Variants in NCKAP5L observed in about 807,000 individuals in gnomAD.
NCKAP5L encodes nck-associated protein 5-like.
NCKAP5L carries 54 observed loss-of-function variants against 103.2 expected under a neutral mutation model. The observed-to-expected ratio is 0.52, with a 90% confidence interval of 0.42 to 0.66. The LOEUF (loss-of-function observed/expected upper bound fraction) is 0.66, where lower values mean the gene tolerates loss of function less well. Among genes scored for constraint, NCKAP5L ranks in the 30% least tolerant of loss-of-function variants. The pLI, the probability that NCKAP5L is intolerant of heterozygous loss-of-function variation, is 0.00. For synonymous variants in NCKAP5L, 762 were observed against 748.6 expected, an observed-to-expected ratio of 1.02 and a Z score of -0.29; for missense variants, 1,733 against 1,750.6, an observed-to-expected ratio of 0.99 and a Z score of 0.18.
rs763375317 is a variant in NCKAP5L at position 49,795,143 on chromosome 12, C to T, written c.2717G>A (p.Gly906Asp). The T allele has an allele frequency of 3.1e-6, 5 of 1,611,196 alleles. No individual in the cohort carries two copies. The highest frequency in any genetic ancestry group is 4.2e-6 in the Non-Finnish European group (5 of 1,179,186). The change falls in exon 8 of 13, where the codon GGC (glycine) becomes GAC (aspartate). Residue 906 changes from glycine (G) to aspartate (D), a missense_variant. By Grantham distance (94) the Gly-to-Asp change is moderately conservative (BLOSUM62 -1). Transcript: ENST00000335999. ...LRLQGQERAP[G>D]AEVKHRNTSS... ...GGTGTTGCGGTGCTTGACCTCGGCGCCAGGGGCTCGCTCCTGGCCCTGGAG... is the reference window on the plus strand; with the variant it reads ...GGTGTTGCGGTGCTTGACCTCGGCGTCAGGGGCTCGCTCCTGGCCCTGGAG...
intron 1 of NCKAP5L, among the ~76,000 whole-genome samples, chr12:49,810,228 GT>G (rs1487646976): frequency 6.6e-6 from 1 of 152,132 alleles, no homozygotes; most frequent in East Asian, 1.9e-4. Context: ...GACACAATGG[GT>G]TTATTTATAG....
At chr12:49,826,074 T>G (rs1056408995) in intron 1 of NCKAP5L, among the ~76,000 whole-genome samples, 1 of 142,748 alleles carries the variant, frequency 7.0e-6, no homozygotes, top group African/African-American at 2.7e-5. Context: ...CTGGGCTGGA[T>G]GAGGGCGGTG....
chr12:49,821,407 G>A (rs1946360723), intron 1 of NCKAP5L, among the ~76,000 whole-genome samples: 2 of 152,350 alleles, frequency 1.3e-5, no homozygotes, highest in African/African-American at 2.4e-5. Flanking sequence ...GGGGTCTCCT[G>A]TCTTGGACAC....
rs1157621501 is a variant in NCKAP5L, at chr12:49,795,791, G to A, written c.2069C>T (p.Pro690Leu). Residue 690 changes from proline to leucine, a missense_variant, in exon 8 of 13, where the codon CCT becomes CTT. Physicochemically the swap from Pro to Leu is moderately conservative, Grantham distance 98. Coordinates refer to ENST00000335999, the MANE Select transcript of NCKAP5L (RefSeq NM_001037806.4). ...AGGTCCCCGGGTCTTTTCGGTGCCA[G>A]GCCTGGCTGGCACCCCATTCTTCTC... is the stretch of plus-strand genomic sequence containing the variant. ...GSEKNGVPAR[P>L]GTEKTRGPGK... 1 of 1,577,736 alleles carries A rather than the reference G, an allele frequency of 6.3e-7. No individual in the cohort carries two copies. Among genetic ancestry groups the A allele is most frequent in the Non-Finnish European group, 8.6e-7 (1 of 1,162,086 alleles).
chr12:49,816,414 C>A (rs771475283), intron 1 of NCKAP5L, among the ~76,000 whole-genome samples: 5 of 146,932 alleles, frequency 3.4e-5, no homozygotes, highest in Non-Finnish European at 7.4e-5. Flanking sequence ...GCTCTTAGGG[C>A]CCATAGGACA....
rs770883186 is a variant in NCKAP5L, at chr12:49,795,076, C to T, written c.2784G>A (p.Leu928=). 1.2e-6 allele frequency: 2 copies of T among 1,612,172 alleles called. No homozygotes were observed. Among genetic ancestry groups the T allele is most frequent in the Non-Finnish European group, 1.7e-6 (2 of 1,179,416 alleles). The change falls in exon 8 of 13, where the codon CTG becomes CTA. Residue 928 remains leucine (L), a synonymous_variant. Transcript: ENST00000335999. The stretch of plus-strand genomic sequence containing the variant: ...CCTCTGTGCGGCGGTTCAGCGCTGG[C>T]AGCTTGCTCTTCTTAAGGCCGAACC... ...ASWFGLKKSK[L]PALNRRTEAT...
Position 49,791,657 on chromosome 12 carries a change from T to C in NCKAP5L, c.*182A>G. The stretch of plus-strand genomic sequence containing the variant: ...GGGTCTCTCCCTGAGCTGAGCACGG[T>C]CATCTCATCCGCCGAAGCAGTGGGT... On this transcript the variant is annotated 3_prime_UTR_variant, in exon 13 of 13. Transcript: ENST00000335999. 2 of 556,074 alleles carry C rather than the reference T, an allele frequency of 3.6e-6. No individual in the cohort carries two copies. Among genetic ancestry groups the C allele is most frequent in the African/African-American group, 1.9e-5 (1 of 52,578 alleles). 34.4% of individuals were successfully genotyped at this position (556,074 alleles called of 1,614,324 possible).
chr12:49,801,271 G>C (rs1246494159), intron 6 of NCKAP5L, among the ~76,000 whole-genome samples: 1 of 152,170 alleles, frequency 6.6e-6, no homozygotes, highest in African/African-American at 2.4e-5. Context: ...ATCTGGAGCT[G>C]CTCCTGATCC....
At chr12:49,810,172 C>T (rs984606264) in intron 1 of NCKAP5L, among the ~76,000 whole-genome samples, 1 of 71,372 alleles carries the variant, frequency 1.4e-5, no homozygotes, top group Non-Finnish European at 3.0e-5. Flanking sequence ...CTAGCAGCTG[C>T]CGGGGGTGGG....
chr12:49,799,970 T>G (rs1014648508), intron 6 of NCKAP5L, among the ~76,000 whole-genome samples: 3 of 151,782 alleles, frequency 2.0e-5, no homozygotes, highest in South Asian at 2.1e-4. Flanking sequence ...CAGAGGCGGG[T>G]GGGTCACCTG....
chr12:49,826,081 G>A (rs970384221), intron 1 of NCKAP5L, among the ~76,000 whole-genome samples: 3 of 152,018 alleles, frequency 2.0e-5, no homozygotes, highest in Non-Finnish European at 2.9e-5. Context: ...GGATGAGGGC[G>A]GTGGGGAAGA....
intron 5 of NCKAP5L, 154 bp from the exon 6 acceptor site, chr12:49,802,121 G>A (rs1592752525): frequency 2.4e-6 from 2 of 817,242 alleles, no homozygotes; most frequent in South Asian, 1.8e-5. Flanking sequence ...AGGAATCTAA[G>A]CCTGCCGATG....
chr12:49,812,297 G>A (rs1260349340), intron 1 of NCKAP5L, among the ~76,000 whole-genome samples: 1 of 151,930 alleles, frequency 6.6e-6, no homozygotes, highest in African/African-American at 2.4e-5. Flanking sequence ...TGCCTTTTAC[G>A]ACTGGCTTCT....
intron 1 of NCKAP5L, among the ~76,000 whole-genome samples, chr12:49,819,052 G>A (rs1946332191): frequency 3.4e-5 from 5 of 148,868 alleles, no homozygotes; most frequent in Admixed American, 2.7e-4. Context: ...AAAAAAAAAG[G>A]CCGGGTGCAG....
chr12:49,797,485 G>A lies in NCKAP5L; in HGVS notation c.466-91C>T. ...GCCCTGGGCTGGCTTAACAGGGAATGCCAGGAACAGAGCTGGCCTGGTTGT... is the reference window on the plus strand; with the variant it reads ...GCCCTGGGCTGGCTTAACAGGGAATACCAGGAACAGAGCTGGCCTGGTTGT... On this transcript the variant is annotated intron_variant, in intron 7 of 12. Coordinates refer to ENST00000335999, the MANE Select transcript of NCKAP5L (RefSeq NM_001037806.4). This position sits in a 1 kb window ranked among gnomAD's most constrained non-coding sequence, Gnocchi z 4.5. 1.0e-6 allele frequency: 1 copy of A among 958,070 alleles called. No individual in the cohort carries two copies. The highest frequency in any genetic ancestry group is 1.5e-6 in the Non-Finnish European group (1 of 649,774). The allele number at this position is 958,070 out of a possible 1,614,324, so 59.3% of individuals were successfully genotyped here.
intron 1 of NCKAP5L, among the ~76,000 whole-genome samples, chr12:49,827,403 A>G (rs937801679): frequency 6.6e-5 from 10 of 152,188 alleles, no homozygotes; most frequent in African/African-American, 2.2e-4. Flanking sequence ...GACTCAGCTG[A>G]TCCAGCCCTG....
chr12:49,818,094 T>G (rs1033573177), intron 1 of NCKAP5L, among the ~76,000 whole-genome samples: 7 of 150,972 alleles, frequency 4.6e-5, no homozygotes, highest in Admixed American at 1.3e-4. Flanking sequence ...ATCGCGCTGC[T>G]GCACTCTGGC....
chr12:49,808,927 C>T (rs554100712), intron 1 of NCKAP5L, among the ~76,000 whole-genome samples: 9 of 152,140 alleles, frequency 5.9e-5, no homozygotes, highest in Non-Finnish European at 8.8e-5. Flanking sequence ...CTTCTCCCGC[C>T]GGAATTGCCA....
chr12:49,813,653 G>A (rs950803694), intron 1 of NCKAP5L, among the ~76,000 whole-genome samples: 9 of 151,950 alleles, frequency 5.9e-5, no homozygotes, highest in African/African-American at 1.9e-4. Flanking sequence ...TCAGCCGTCC[G>A]AGTACCTGGG....
Sources: gnomAD v4.1 joint callset for allele counts (sites outside exome capture counted in the v4.1 genomes callset) on GRCh38, gnomAD v4.1.1 for gene constraint, Gnocchi (gnomAD v3.1) non-coding constraint, MANE v1.5 for transcripts, NCBI Gene and HGNC (gene_info 2026-07-23, HGNC 2026-07-21) for gene names.